LIPA: variants seen among roughly 807,000 people sequenced by gnomAD.
LIPA encodes lysosomal acid lipase/cholesteryl ester hydrolase.
In LIPA, 26 loss-of-function variants were observed where a neutral mutation model predicts 40.6. The ratio of observed to expected loss-of-function variants is 0.64; its 90% CI spans 0.47 to 0.89. The LOEUF (loss-of-function observed/expected upper bound fraction) is 0.89. LIPA is among the 40% of genes least tolerant of loss of function. LIPA has a pLI of 0.00. For missense variants in LIPA, 455 were observed against 479.6 expected (o/e 0.95, Z 0.48); for synonymous variants, 188 against 168.4 (o/e 1.12, Z -0.90).
chr10:89,216,427 T>G lies in LIPA; in HGVS notation c.895-418A>C, dbSNP rs189368938. ...TATATATACATATATATATATATAA[T>G]AGAGAGAGAGAGAGAGAGATGGATA... On this transcript the variant is annotated intron_variant, in intron 8 of 9. Coordinates refer to ENST00000336233, the MANE Select transcript of LIPA (RefSeq NM_000235.4). Among the ~76,000 whole-genome samples, 44 of 140,912 alleles carry G rather than the reference T, an allele frequency of 3.1e-4. No individual in the cohort carries two copies. The East Asian group carries it at 7.5e-3, about 24-fold the overall frequency. The allele number at this position is 140,912 out of a possible 152,430, so 92.4% of individuals were successfully genotyped here. A position where few individuals can be genotyped will look rare whatever the true frequency, so the allele number is the denominator to read the frequency against.
At chr10:89,346,493 T>C (rs1204900203), upstream of LIPA, among the ~76,000 whole-genome samples, 1 of 152,212 alleles carries the variant, frequency 6.6e-6, no homozygotes, top group Non-Finnish European at 1.5e-5. Flanking sequence ...AATAAAATGA[T>C]TTTCTCTTTG....
Position 89,293,124 on chromosome 10 carries a change from T to G in LIPA, c.-1-45475A>C, listed in dbSNP as rs574665308. Reference sequence around the variant, plus strand: ...AGGGGTGGTTTCCCCCATATTATTCTCATGATAATGAGTGAGTTTTCATGA... The same window carrying G: ...AGGGGTGGTTTCCCCCATATTATTCGCATGATAATGAGTGAGTTTTCATGA... On this transcript the variant is annotated intron_variant, in intron 1 of 5. Coordinates refer to the LIPA transcript ENST00000282673. Among the ~76,000 whole-genome samples, 9 of 152,282 alleles carry G rather than the reference T, an allele frequency of 5.9e-5. No individual in the cohort carries two copies. The East Asian group carries it at 1.7e-3, about 29-fold the overall frequency.
intron 1 of LIPA, among the ~76,000 whole-genome samples, chr10:89,311,464 T>C (rs887586070): frequency 5.6e-5 from 8 of 143,924 alleles, no homozygotes; most frequent in Non-Finnish European, 1.2e-4. Flanking sequence ...TGGGAGGTGG[T>C]AGTTGCAGTG....
intron 2 of LIPA, among the ~76,000 whole-genome samples, chr10:89,381,019 A>G (rs1481865276): frequency 6.6e-6 from 1 of 152,206 alleles, no homozygotes; most frequent in Non-Finnish European, 1.5e-5. Flanking sequence ...GAAAGCCAAA[A>G]TCTAGTATAC....
chr10:89,294,935 G>A (rs891594751), intron 1 of LIPA, among the ~76,000 whole-genome samples: 4 of 151,430 alleles, frequency 2.6e-5, no homozygotes, highest in Admixed American at 1.3e-4. Context: ...CTCTGATTGC[G>A]CCACTGCACT....
chr10:89,229,698 A>G (rs1842816621), intron 3 of LIPA, among the ~76,000 whole-genome samples: 1 of 150,576 alleles, frequency 6.6e-6, no homozygotes, highest in Admixed American at 6.6e-5. Context: ...GGTTGCAGTG[A>G]GCCAAGATTG....
chr10:89,295,265 G>A (rs11203062), intron 1 of LIPA, among the ~76,000 whole-genome samples: 30,346 of 152,016 alleles, frequency 0.2, 4,070 homozygotes, highest in East Asian at 0.67. Context: ...GGCTACCTAA[G>A]TATTCCTCTA....
intron 1 of LIPA, chr10:89,308,709 T>C (rs1255823862): frequency 1.3e-5 from 2 of 152,206 alleles, no homozygotes; most frequent in African/African-American, 4.8e-5. Flanking sequence ...TAAGCTTAAG[T>C]ATATATCAAC....
chr10:89,327,954 A>C lies in LIPA; in HGVS notation c.-2+14657T>G. The C allele has an allele frequency of 2.1e-6, 2 of 966,974 alleles. 1 individual carries two copies. Among genetic ancestry groups the C allele is most frequent in the African/African-American group, 3.3e-5 (2 of 59,994 alleles). The allele number at this position is 966,974 out of a possible 1,614,324, so 59.9% of individuals were successfully genotyped here. On this transcript the variant is annotated intron_variant, in intron 1 of 5. Coordinates refer to the LIPA transcript ENST00000282673. ...GAAAACATCAGCTGATGCGTGCCCTACTCTCCCACCCCTTTATATAGTTCC... is the reference window on the plus strand; with the variant it reads ...GAAAACATCAGCTGATGCGTGCCCTCCTCTCCCACCCCTTTATATAGTTCC...
intron 2 of LIPA, chr10:89,378,152 C>T: frequency 6.2e-7 from 1 of 1,613,744 alleles, no homozygotes; most frequent in Non-Finnish European, 8.5e-7. Context: ...TAAAGTCTTT[C>T]TCTGCTTCAC....
At chr10:89,336,161 G>A (rs1190149715) in intron 1 of LIPA, among the ~76,000 whole-genome samples, 1 of 147,364 alleles carries the variant, frequency 6.8e-6, no homozygotes, top group Admixed American at 6.8e-5. Context: ...AGGGAGGAAG[G>A]GAGGGAGGGA....
chr10:89,253,354 T>G (rs1843158486), upstream of LIPA, among the ~76,000 whole-genome samples: 1 of 152,176 alleles, frequency 6.6e-6, no homozygotes, highest in South Asian at 2.1e-4. Context: ...AAAAGGCTTG[T>G]CTTACATGGC....
exon 2 of LIPA, chr10:89,412,804 C>G: frequency 2.4e-6 from 1 of 416,312 alleles, no homozygotes; most frequent in South Asian, 1.7e-5. Flanking sequence ...AAGGAAGAAA[C>G]TCCAGACACA....
intron 2 of LIPA, among the ~76,000 whole-genome samples, chr10:89,397,357 AAATTTT>A (rs993119364): frequency 6.6e-6 from 1 of 152,172 alleles, no homozygotes; most frequent in African/African-American, 2.4e-5. Flanking sequence ...TTTAAAATTA[AAATTTT>A]AATTTTAATT....
intron 4 of LIPA, 103 bp from the exon 5 acceptor site, chr10:89,227,107 T>C (rs1277334040): frequency 3.8e-6 from 3 of 796,320 alleles, no homozygotes; most frequent in Non-Finnish European, 6.6e-6. Flanking sequence ...TAAACACAGC[T>C]GGGAAAACCA....
chr10:89,277,067 G>A (rs1386229938), intron 1 of LIPA, among the ~76,000 whole-genome samples: 3 of 152,134 alleles, frequency 2.0e-5, no homozygotes, highest in Non-Finnish European at 2.9e-5. Context: ...TTTATTAGAT[G>A]AATGCCAAAC....
At chr10:89,359,576 G>A (rs1844008191) in intron 2 of LIPA, among the ~76,000 whole-genome samples, 1 of 152,188 alleles carries the variant, frequency 6.6e-6, no homozygotes, top group South Asian at 2.1e-4. Context: ...CCTCTGACCT[G>A]AAGGGCCTCA....
intron 1 of LIPA, among the ~76,000 whole-genome samples, chr10:89,270,954 G>T (rs1171217234): frequency 6.6e-6 from 1 of 152,184 alleles, no homozygotes; most frequent in Non-Finnish European, 1.5e-5. Context: ...GATGGCCCAA[G>T]ACCTGAGCTA....
chr10:89,374,745 C>T (rs1301224208), intron 2 of LIPA, among the ~76,000 whole-genome samples: 3 of 152,210 alleles, frequency 2.0e-5, no homozygotes, highest in Middle Eastern at 3.2e-3. Flanking sequence ...TGATACAGAA[C>T]TGGAGAGAGA....
Sources: gnomAD v4.1 joint callset for allele counts (sites outside exome capture counted in the v4.1 genomes callset) on GRCh38, gnomAD v4.1.1 for gene constraint, MANE v1.5 for transcripts, NCBI Gene and HGNC (gene_info 2026-07-23, HGNC 2026-07-21) for gene names.